Variants in RASAL2 observed in about 807,000 individuals in gnomAD.
RASAL2 encodes ras GTPase-activating protein nGAP.
Under a neutral mutation model 128.9 loss-of-function variants are expected in RASAL2, and 58 were observed. That is an observed-to-expected ratio of 0.45 (90% CI 0.36 to 0.56). The LOEUF (loss-of-function observed/expected upper bound fraction) is 0.56, where lower values mean the gene tolerates loss of function less well. Among genes scored for constraint, RASAL2 ranks in the 20% least tolerant of loss-of-function variants. The probability of loss-of-function intolerance (pLI) is 0.00; values close to 1 mark genes in which losing one functional copy is unlikely to be tolerated. For synonymous variants in RASAL2, 561 were observed against 580.8 expected, an observed-to-expected ratio of 0.97 and a Z score of 0.49; for missense variants, 1,360 against 1,601.6, an observed-to-expected ratio of 0.85 and a Z score of 2.57.
intron 3 of RASAL2, among the ~76,000 whole-genome samples, chr1:178,311,017 T>G (rs1668220234): frequency 6.6e-6 from 1 of 152,100 alleles, no homozygotes; most frequent in South Asian, 2.1e-4. Context: ...TAATCAGCCC[T>G]AAGGCCAAGT....
At chr1:178,249,792 C>A (rs988328380) in intron 1 of RASAL2, among the ~76,000 whole-genome samples, 1 of 151,992 alleles carries the variant, frequency 6.6e-6, no homozygotes, top group Non-Finnish European at 1.5e-5. Flanking sequence ...ATATTGCTTC[C>A]TGTTTGTTAG....
intron 1 of RASAL2, among the ~76,000 whole-genome samples, chr1:178,211,212 A>G (rs1469973696): frequency 2.0e-5 from 3 of 152,166 alleles, no homozygotes; most frequent in Middle Eastern, 3.4e-3. Flanking sequence ...CTTCTTCACC[A>G]TCTGGTTAGT....
At chr1:178,375,937 A>G (rs1459270255) in intron 3 of RASAL2, among the ~76,000 whole-genome samples, 1 of 152,118 alleles carries the variant, frequency 6.6e-6, no homozygotes, top group Non-Finnish European at 1.5e-5. Context: ...TCATCTAGAG[A>G]AGAAAGATTG....
At chr1:178,471,455 C>A (rs1020604596) in intron 17 of RASAL2, among the ~76,000 whole-genome samples, 1 of 152,036 alleles carries the variant, frequency 6.6e-6, no homozygotes. Flanking sequence ...TTTTGTCTAT[C>A]CTTAAAATGA....
At chr1:178,302,527 C>G (rs1391118392) in intron 3 of RASAL2, among the ~76,000 whole-genome samples, 4 of 152,038 alleles carry the variant, frequency 2.6e-5, no homozygotes, top group African/African-American at 9.7e-5. Context: ...GGGCTAAATA[C>G]CATGATGATG....
intron 1 of RASAL2, among the ~76,000 whole-genome samples, chr1:178,153,692 G>A (rs1463796588): frequency 6.6e-6 from 1 of 151,956 alleles, no homozygotes; most frequent in Non-Finnish European, 1.5e-5. Flanking sequence ...ATTTTGCTTG[G>A]CCTTTCACCA....
chr1:178,346,562 T>A (rs1479194295), intron 3 of RASAL2, among the ~76,000 whole-genome samples: 4 of 152,212 alleles, frequency 2.6e-5, no homozygotes, highest in Non-Finnish European at 1.5e-5. Flanking sequence ...ATCATTTACT[T>A]GCTGGGGTAT....
intron 1 of RASAL2, among the ~76,000 whole-genome samples, chr1:178,109,819 G>A (rs536726430): frequency 6.6e-6 from 1 of 152,166 alleles, no homozygotes; most frequent in East Asian, 1.9e-4. Flanking sequence ...GCCAGGAGTT[G>A]GAGACCAGCC....
chr1:178,237,753 A>AT (rs750630109), intron 1 of RASAL2, among the ~76,000 whole-genome samples: 19 of 152,166 alleles, frequency 1.2e-4, no homozygotes, highest in Non-Finnish European at 2.2e-4. Context: ...CACTTTAACC[A>AT]TTTTTAGGTG....
At chr1:178,362,198 A>G (rs772556426) in intron 3 of RASAL2, among the ~76,000 whole-genome samples, 1 of 152,182 alleles carries the variant, frequency 6.6e-6, no homozygotes, top group Non-Finnish European at 1.5e-5. Context: ...TAATCTAGAG[A>G]TGATTTAAAG....
intron 14 of RASAL2, among the ~76,000 whole-genome samples, chr1:178,462,351 T>C (rs972978097): frequency 1.3e-5 from 2 of 152,180 alleles, no homozygotes; most frequent in African/African-American, 4.8e-5. Context: ...AAATGAATAA[T>C]ATTTTATTGA....
In RASAL2 at chr1:178,327,724, A is replaced by T. The variant is rs191990548; in HGVS notation, c.457+27606A>T. ...TGTTAGTTCTTGTACCTAGAAAAAC[A>T]GTATAGAAATGGCCAGTCCCAAGAA... On this transcript the variant is annotated intron_variant, in intron 3 of 17. Transcript: ENST00000367649. 2.6e-5 allele frequency among the ~76,000 whole-genome samples: 4 copies of T among 152,316 alleles called. No individual in the cohort carries two copies. In the East Asian group the frequency reaches 7.7e-4, roughly 29 times the overall value.
intron 3 of RASAL2, among the ~76,000 whole-genome samples, chr1:178,323,331 G>A (rs1429116110): frequency 6.6e-6 from 1 of 152,154 alleles, no homozygotes; most frequent in Non-Finnish European, 1.5e-5. Flanking sequence ...ACTGATATGA[G>A]ACATACTAGA....
At chr1:178,218,788 A>C (rs1266523514) in intron 1 of RASAL2, among the ~76,000 whole-genome samples, 2 of 152,252 alleles carry the variant, frequency 1.3e-5, no homozygotes, top group African/African-American at 4.8e-5. Flanking sequence ...AGCATAATTC[A>C]TACGGGCCCT....
intron 1 of RASAL2, among the ~76,000 whole-genome samples, chr1:178,266,214 C>T (rs187902188): frequency 6.6e-6 from 1 of 152,298 alleles, no homozygotes; most frequent in African/African-American, 2.4e-5. Flanking sequence ...TACTCTCACC[C>T]TCAGATCCTT....
At chr1:178,408,352 C>T (rs2102688848) in intron 4 of RASAL2, among the ~76,000 whole-genome samples, 2 of 152,224 alleles carry the variant, frequency 1.3e-5, no homozygotes, top group African/African-American at 4.8e-5. Flanking sequence ...GCATGGATAT[C>T]ATAACTGTGA....
chr1:178,103,126 G>A (rs950078103), intron 1 of RASAL2, among the ~76,000 whole-genome samples: 3 of 151,978 alleles, frequency 2.0e-5, no homozygotes, highest in Non-Finnish European at 4.4e-5. Flanking sequence ...ATTTTTACAC[G>A]TATGATAACC....
chr1:178,430,753 C>T (rs1288348467), intron 5 of RASAL2, among the ~76,000 whole-genome samples: 1 of 152,042 alleles, frequency 6.6e-6, no homozygotes, highest in African/African-American at 2.4e-5. Context: ...CTGCATGTCA[C>T]ATGGCTAATA....
At chr1:178,391,218 T>C (rs1342761222) in intron 4 of RASAL2, among the ~76,000 whole-genome samples, 1 of 152,166 alleles carries the variant, frequency 6.6e-6, no homozygotes, top group Non-Finnish European at 1.5e-5. Context: ...ATTATTGTGT[T>C]CCAGGATGGT....
Sources: gnomAD v4.1 joint callset for allele counts (sites outside exome capture counted in the v4.1 genomes callset) on GRCh38, gnomAD v4.1.1 for gene constraint, MANE v1.5 for transcripts, NCBI Gene and HGNC (gene_info 2026-07-23, HGNC 2026-07-21) for gene names.